The following BRIP1 variants were observed in gnomAD, a reference collection of about 807,000 sequenced individuals.
The protein encoded by BRIP1 is Fanconi anemia group J protein.
In BRIP1, 88 loss-of-function variants were observed where a neutral mutation model predicts 119.7. That is an observed-to-expected ratio of 0.74 (90% CI 0.62 to 0.88). The LOEUF (loss-of-function observed/expected upper bound fraction) is 0.88. Ranked by LOEUF, BRIP1 falls within the 40% of genes least tolerant of loss-of-function variation. The probability of loss-of-function intolerance (pLI) is 0.00; values close to 1 mark genes in which losing one functional copy is unlikely to be tolerated. For synonymous variants in BRIP1, 443 were observed against 496.5 expected (o/e 0.89, Z 1.43); for missense variants, 1,259 against 1,455.4 (o/e 0.87, Z 2.20).
At position 61,823,346 on chromosome 17, in the gene BRIP1, T is replaced by C. The variant is rs1320748030; in HGVS notation, c.628-14589A>G. On this transcript the variant is annotated intron_variant, in intron 6 of 19. Coordinates refer to ENST00000259008, the MANE Select transcript of BRIP1 (RefSeq NM_032043.3). This position sits in a 1 kb window ranked among gnomAD's most constrained non-coding sequence, Gnocchi z 4.8. ...TAAACTACTAACAAATTGGACAAGA[T>C]ATATGAAACAGTACTTTTCAGACAC... Among the ~76,000 whole-genome samples the C allele has an allele frequency of 1.3e-5, 2 of 152,212 alleles. No homozygotes were observed. Among genetic ancestry groups the C allele is most frequent in the Non-Finnish European group, 2.9e-5 (2 of 68,026 alleles).
chr17:61,808,323 T>C lies in BRIP1; in HGVS notation c.918+144A>G, dbSNP rs924776516. 2 of 813,972 alleles carry C rather than the reference T, an allele frequency of 2.5e-6. No homozygotes were observed. The highest frequency in any genetic ancestry group is 1.7e-5 in the African/African-American group (1 of 57,866). 50.4% of individuals were successfully genotyped at this position (813,972 alleles called of 1,614,324 possible). ...GACTAAAGATTTTATTACAGGAAAATTGTTTTTTAAAAGATATCAATACTA... is the reference window on the plus strand; with the variant it reads ...GACTAAAGATTTTATTACAGGAAAACTGTTTTTTAAAAGATATCAATACTA... On this transcript the variant is annotated intron_variant, in intron 7 of 19. Coordinates refer to ENST00000259008, the MANE Select transcript of BRIP1 (RefSeq NM_032043.3). The surrounding 1 kb of genome is among the most constrained non-coding windows in gnomAD (Gnocchi z 4.1).
In BRIP1 at chr17:61,683,152, C is replaced by T; in HGVS notation, c.*144G>A. On this transcript the variant is annotated 3_prime_UTR_variant, in exon 20 of 20. Coordinates refer to ENST00000259008, the MANE Select transcript of BRIP1 (RefSeq NM_032043.3). This position sits in a 1 kb window ranked among gnomAD's most constrained non-coding sequence, Gnocchi z 4.7. Reference sequence around the variant, plus strand: ...TCTCAAAAAAAAAAACCCAAAAACTCAAGAATAATAACATTTACATTTCTG... The same window carrying T: ...TCTCAAAAAAAAAAACCCAAAAACTTAAGAATAATAACATTTACATTTCTG... 1 of 1,075,622 alleles carries T rather than the reference C, an allele frequency of 9.3e-7. No homozygotes were observed. Among genetic ancestry groups the T allele is most frequent in the Non-Finnish European group, 1.3e-6 (1 of 761,978 alleles). The allele number at this position is 1,075,622 out of a possible 1,614,324, so 66.6% of individuals were successfully genotyped here. A position where few individuals can be genotyped will look rare whatever the true frequency, so the allele number is the denominator to read the frequency against.
At chr17:61,835,234 T>C (rs2078554659) in intron 6 of BRIP1, among the ~76,000 whole-genome samples, 1 of 152,202 alleles carries the variant, frequency 6.6e-6, no homozygotes, top group South Asian at 2.1e-4. Flanking sequence ...AATATGGACA[T>C]CTTGACCTGA....
chr17:61,731,981 C>CTTTTTTTTTTTTTTTTTTTTTTTTT (rs71299809), intron 16 of BRIP1, among the ~76,000 whole-genome samples: 1 of 83,008 alleles, frequency 1.2e-5, no homozygotes, highest in Non-Finnish European at 2.2e-5. Context: ...TTCTTTCTTT[C>CTTTTTTTTTTTTTTTTTTTTTTTTT]TTTTTTTTTT....
chr17:61,762,996 A>G lies in BRIP1; in HGVS notation c.2097+13405T>C, dbSNP rs903397498. Reference sequence around the variant, plus strand: ...ATGCTAAGTGAAATAAGCCAGGCACAGAAAGATAAATGTCTCATGCCCTTA... The same window carrying G: ...ATGCTAAGTGAAATAAGCCAGGCACGGAAAGATAAATGTCTCATGCCCTTA... On this transcript the variant is annotated intron_variant, in intron 14 of 19. Transcript: ENST00000259008. This position sits in a 1 kb window ranked among gnomAD's most constrained non-coding sequence, Gnocchi z 4.3. 1.3e-5 allele frequency among the ~76,000 whole-genome samples: 2 copies of G among 152,178 alleles called. No individual in the cohort carries two copies. The highest frequency in any genetic ancestry group is 2.9e-5 in the Non-Finnish European group (2 of 68,022).
chr17:61,775,949 T>A lies in BRIP1; in HGVS notation c.2097+452A>T, dbSNP rs187573477. 5.0e-6 allele frequency: 1 copy of A among 199,408 alleles called. No individual in the cohort carries two copies. The highest frequency in any genetic ancestry group is 1.3e-4 in the East Asian group (1 of 7,954). The allele number at this position is 199,408 out of a possible 1,614,324, so 12.4% of individuals were successfully genotyped here. On this transcript the variant is annotated intron_variant, in intron 14 of 19. Transcript: ENST00000259008. This position sits in a 1 kb window ranked among gnomAD's most constrained non-coding sequence, Gnocchi z 4.4. ...CCCACGCTGGAGTGCAGGGGTGCAA[T>A]CATAGCTCACTGTAACCTCAACCTC...
At chr17:61,731,278 C>A (rs1167238676) in intron 16 of BRIP1, among the ~76,000 whole-genome samples, 1 of 152,132 alleles carries the variant, frequency 6.6e-6, no homozygotes, top group Non-Finnish European at 1.5e-5. Flanking sequence ...TATTACAGCA[C>A]TTTAAGTTTA....
In BRIP1 at chr17:61,789,714, G is replaced by A. The variant is rs2077786385; in HGVS notation, c.1473+3883C>T. Among the ~76,000 whole-genome samples the A allele has an allele frequency of 6.6e-6, 1 of 151,970 alleles. No individual in the cohort carries two copies. Among genetic ancestry groups the A allele is most frequent in the African/African-American group, 2.4e-5 (1 of 41,388 alleles). Reference sequence around the variant, plus strand: ...CACCGCAATTAAAAATTATGTGAAGGAATCTTTACTTAAATAGGAAAGTAT... The same window carrying A: ...CACCGCAATTAAAAATTATGTGAAGAAATCTTTACTTAAATAGGAAAGTAT... On this transcript the variant is annotated intron_variant, in intron 10 of 19. Coordinates refer to ENST00000259008, the MANE Select transcript of BRIP1 (RefSeq NM_032043.3). This position sits in a 1 kb window ranked among gnomAD's most constrained non-coding sequence, Gnocchi z 4.8.
At chr17:61,727,961 T>C (rs1390342976) in intron 16 of BRIP1, among the ~76,000 whole-genome samples, 1 of 151,762 alleles carries the variant, frequency 6.6e-6, no homozygotes, top group Non-Finnish European at 1.5e-5. Flanking sequence ...CCACAGTAGC[T>C]GGGATTACAG....
chr17:61,853,695 C>A lies in BRIP1; in HGVS notation c.379+3363G>T, dbSNP rs1246396862. ...TGCTGAACAACTGGATATCCACATG[C>A]AAAAAAATGAACTTGAATCCATACC... On this transcript the variant is annotated intron_variant, in intron 4 of 19. Transcript: ENST00000259008. This position sits in a 1 kb window ranked among gnomAD's most constrained non-coding sequence, Gnocchi z 4.3. Among the ~76,000 whole-genome samples, 1 of 151,976 alleles carries A rather than the reference C, an allele frequency of 6.6e-6. No individual in the cohort carries two copies. Among genetic ancestry groups the A allele is most frequent in the Non-Finnish European group, 1.5e-5 (1 of 67,992 alleles).
intron 10 of BRIP1, among the ~76,000 whole-genome samples, chr17:61,788,678 G>A (rs539896577): frequency 6.6e-6 from 1 of 152,280 alleles, no homozygotes; most frequent in Non-Finnish European, 1.5e-5. Context: ...TAGAGGGACT[G>A]GGTGTAGTGG....
In BRIP1 at chr17:61,808,651, T is replaced by C. The variant is rs1064795594; in HGVS notation, c.734A>G (p.Lys245Arg). ...GTGTGTGCGTGTCCCAAAATATATT[T>C]TGGGTATCTTGGATTTCCCTGTATG... The part of the protein sequence containing the change: ...KDHTGKSKIP[K>R]IYFGTRTHKQ... Residue 245 changes from lysine (K) to arginine (R), a missense_variant, in exon 7 of 20, where the codon AAA (lysine) becomes AGA (arginine). Around this residue, in one of 3 missense-constraint regions of BRIP1, gnomAD observed 501 missense variants for 544.0 expected, o/e 0.92. Coordinates refer to ENST00000259008, the MANE Select transcript of BRIP1 (RefSeq NM_032043.3). The surrounding 1 kb of genome is among the most constrained non-coding windows in gnomAD (Gnocchi z 4.1). 4.3e-6 allele frequency: 7 copies of C among 1,614,032 alleles called. No homozygotes were observed. Among genetic ancestry groups the C allele is most frequent in the Non-Finnish European group, 5.1e-6 (6 of 1,179,930 alleles).
At position 61,799,949 on chromosome 17, in the gene BRIP1, CA is replaced by C; in HGVS notation, c.1141-651del. On this transcript the variant is annotated intron_variant, in intron 8 of 19. Transcript: ENST00000259008. The surrounding 1 kb of genome is among the most constrained non-coding windows in gnomAD (Gnocchi z 5.1). ...CAATGGGGGTAAGGCCCAGGATTGT[CA>C]GTTAAATAGAGTATTCCATCCTTCT... 6.6e-6 allele frequency among the ~76,000 whole-genome samples: 1 copy of C among 151,448 alleles called. No homozygotes were observed. Among genetic ancestry groups the C allele is most frequent in the East Asian group, 1.9e-4 (1 of 5,158 alleles).
chr17:61,763,489 T>C (rs2077307700), intron 14 of BRIP1, among the ~76,000 whole-genome samples: 2 of 152,294 alleles, frequency 1.3e-5, no homozygotes, highest in Non-Finnish European at 1.5e-5. Flanking sequence ...TGATCTCTCA[T>C]GTTAGCATGA....
Position 61,801,330 on chromosome 17 carries a change from C to G in BRIP1, c.1063G>C (p.Ala355Pro), listed in dbSNP as rs2145335353. 1 of 1,614,000 alleles carries G rather than the reference C, an allele frequency of 6.2e-7. No individual in the cohort carries two copies. Among genetic ancestry groups the G allele is most frequent in the South Asian group, 1.1e-5 (1 of 91,074 alleles). ...KKLKACPYYT[A>P]RELIQDADII... ...TCAGCATCTTGTATTAGTTCTCGGGCTGTGTAATATGGACAGGCCTTTAGT... is the reference window on the plus strand; with the variant it reads ...TCAGCATCTTGTATTAGTTCTCGGGGTGTGTAATATGGACAGGCCTTTAGT... Residue 355 changes from alanine to proline, a missense_variant, in exon 8 of 20, where the codon GCC becomes CCC. Ala to Pro is a conservative substitution (Grantham distance 27). Coordinates refer to ENST00000259008, the MANE Select transcript of BRIP1 (RefSeq NM_032043.3).
chr17:61,855,412 T>C (rs1422940387), intron 4 of BRIP1, among the ~76,000 whole-genome samples: 1 of 151,950 alleles, frequency 6.6e-6, no homozygotes, highest in Non-Finnish European at 1.5e-5. Context: ...ATCCTGTCCC[T>C]ACTAAAAATA....
intron 7 of BRIP1, among the ~76,000 whole-genome samples, chr17:61,801,892 A>T (rs893632501): frequency 1.1e-4 from 17 of 152,172 alleles, no homozygotes; most frequent in African/African-American, 4.1e-4. Flanking sequence ...TTTTCTCTGT[A>T]GACCCTTTTG....
Position 61,847,058 on chromosome 17 carries a change from A to G in BRIP1, c.627+43T>C, listed in dbSNP as rs370591395. The G allele has an allele frequency of 9.3e-6, 15 of 1,611,624 alleles. No homozygotes were observed. Among genetic ancestry groups the G allele is most frequent in the Middle Eastern group, 1.7e-4 (1 of 5,784 alleles). On this transcript the variant is annotated intron_variant, in intron 6 of 19. Transcript: ENST00000259008. ...GTCAAAAATTGGTTTAGAAAATTCC[A>G]TATCTTCCTTCTTTAAAACTGAACA...
Position 61,776,025 on chromosome 17 carries a change from A to G in BRIP1, c.2097+376T>C. The G allele has an allele frequency of 3.5e-6, 1 of 286,476 alleles. No individual in the cohort carries two copies. Among genetic ancestry groups the G allele is most frequent in the East Asian group, 9.0e-5 (1 of 11,108 alleles). 17.7% of individuals were successfully genotyped at this position (286,476 alleles called of 1,614,324 possible). ...CAGCCTCGCAGGTAGCTGGGACTAT[A>G]GGTGTGTGCCACCACACCCAGCTAA... On this transcript the variant is annotated intron_variant, in intron 14 of 19. Transcript: ENST00000259008. The surrounding 1 kb of genome is among the most constrained non-coding windows in gnomAD (Gnocchi z 5.0).
Sources: allele counts gnomAD v4.1 joint callset (sites outside exome capture counted in the v4.1 genomes callset), GRCh38; gene constraint gnomAD v4.1.1; regional missense constraint gnomAD v4.1.1; non-coding constraint Gnocchi (gnomAD v3.1); transcripts MANE v1.5; gene names NCBI Gene and HGNC (gene_info 2026-07-23, HGNC 2026-07-21).